Variants in PPFIA2 observed in about 807,000 individuals in gnomAD.
PPFIA2 encodes the protein liprin-alpha-2.
In PPFIA2, 46 loss-of-function variants were observed where a neutral mutation model predicts 175.5. That is an observed-to-expected ratio of 0.26 (90% CI 0.21 to 0.34). PPFIA2 has a LOEUF of 0.34. PPFIA2 is among the 10% of genes least tolerant of loss of function. PPFIA2 has a pLI of 1.00. For missense variants in PPFIA2, 1,179 were observed against 1,506.1 expected, an observed-to-expected ratio of 0.78 and a Z score of 3.60; for synonymous variants, 568 against 511.4, an observed-to-expected ratio of 1.11 and a Z score of -1.49.
chr12:81,489,004 G>A (rs890537589), intron 4 of PPFIA2, among the ~76,000 whole-genome samples: 11 of 151,776 alleles, frequency 7.2e-5, no homozygotes, highest in Admixed American at 5.9e-4. Flanking sequence ...GTCCTATTTC[G>A]ACAAATTAGG....
At chr12:81,671,345 C>T (rs2071378297) in intron 4 of PPFIA2, among the ~76,000 whole-genome samples, 1 of 151,838 alleles carries the variant, frequency 6.6e-6, no homozygotes, top group African/African-American at 2.4e-5. Context: ...TTGTTGTCAC[C>T]TTACAGGCTT....
At chr12:81,523,073 T>C (rs145646273) in intron 4 of PPFIA2, among the ~76,000 whole-genome samples, 2,362 of 152,272 alleles carry the variant, frequency 0.016, 51 homozygotes, top group East Asian at 0.043. Context: ...GCCAGAAACC[T>C]ATGTATGCTA....
intron 4 of PPFIA2, among the ~76,000 whole-genome samples, chr12:81,604,425 GA>G (rs988673152): frequency 3.2e-4 from 47 of 145,766 alleles, no homozygotes; most frequent in Admixed American, 9.6e-4. Context: ...TTCCTGTTTG[GA>G]AAAAAAAAAG....
rs531525283 is a variant in PPFIA2, at chr12:81,381,036, C to T, written c.984+2987G>A. Among the ~76,000 whole-genome samples the T allele has an allele frequency of 7.0e-4, 105 of 149,664 alleles. 2 individuals are homozygous for T. The highest frequency in any genetic ancestry group is 2.6e-3 in the African/African-American group (104 of 40,662). On this transcript the variant is annotated intron_variant, in intron 9 of 32. Transcript: ENST00000549396. ...AAAAAAAAAGTGATGCATGCAGTAA[C>T]GCAGGCTGAGTGTAGGCCATTTCAC... is the stretch of plus-strand genomic sequence containing the variant.
At chr12:81,584,245 A>G (rs1030943414) in intron 4 of PPFIA2, among the ~76,000 whole-genome samples, 1 of 151,920 alleles carries the variant, frequency 6.6e-6, no homozygotes, top group Non-Finnish European at 1.5e-5. Flanking sequence ...CATTAAACAA[A>G]ATTGTGTTAA....
At chr12:81,428,789 C>A (rs556640655) in intron 7 of PPFIA2, among the ~76,000 whole-genome samples, 1 of 152,078 alleles carries the variant, frequency 6.6e-6, no homozygotes, top group South Asian at 2.1e-4. Context: ...ACATTTCCAA[C>A]AGGAATAATA....
intron 4 of PPFIA2, among the ~76,000 whole-genome samples, chr12:81,590,607 T>C (rs1174328054): frequency 2.0e-5 from 3 of 151,980 alleles, no homozygotes; most frequent in Non-Finnish European, 2.9e-5. Flanking sequence ...AGGAACCCGG[T>C]GGGAGGTGAT....
At chr12:81,512,097 T>C (rs2061859272) in intron 4 of PPFIA2, among the ~76,000 whole-genome samples, 1 of 152,142 alleles carries the variant, frequency 6.6e-6, no homozygotes, top group African/African-American at 2.4e-5. Flanking sequence ...AGATGTATTG[T>C]GTGATTTTCT....
chr12:81,747,547 G>A lies in PPFIA2; in HGVS notation c.249+6426C>T. Reference sequence around the variant, plus strand: ...AGATAATGATGACAATATCTACAATGATAATATCAGCAACAATAGCTACAT... The same window carrying A: ...AGATAATGATGACAATATCTACAATAATAATATCAGCAACAATAGCTACAT... On this transcript the variant is annotated intron_variant, in intron 3 of 32. Transcript: ENST00000549396. 1.4e-5 allele frequency among the ~76,000 whole-genome samples: 2 copies of A among 143,944 alleles called. 1 individual carries two copies. 94.4% of individuals were successfully genotyped at this position (143,944 alleles called of 152,430 possible). A position where few individuals can be genotyped will look rare whatever the true frequency, so the allele number is the denominator to read the frequency against.
chr12:81,594,980 T>C (rs1211420830), intron 4 of PPFIA2, among the ~76,000 whole-genome samples: 2 of 151,932 alleles, frequency 1.3e-5, no homozygotes, highest in East Asian at 1.9e-4. Flanking sequence ...CAAACTCCCA[T>C]GAAAGTTTAG....
At chr12:81,516,956 T>C (rs2062522788) in intron 4 of PPFIA2, among the ~76,000 whole-genome samples, 1 of 152,182 alleles carries the variant, frequency 6.6e-6, no homozygotes, top group Admixed American at 6.5e-5. Context: ...AGGCAATTCA[T>C]GAAAGATGTT....
intron 1 of PPFIA2, 159 bp from the exon 2 acceptor site, chr12:81,758,666 A>C (rs1385962876): frequency 3.0e-6 from 1 of 329,784 alleles, no homozygotes; most frequent in Non-Finnish European, 6.1e-6. Context: ...GCATATTACA[A>C]ATTTTGCTTT....
intron 32 of PPFIA2, among the ~76,000 whole-genome samples, chr12:81,261,412 TC>T (rs1030911751): frequency 2.6e-5 from 4 of 152,102 alleles, no homozygotes; most frequent in African/African-American, 9.7e-5. Flanking sequence ...AGATGAGGTT[TC>T]ACCATGTTGG....
chr12:81,439,764 A>G (rs2049817121), intron 7 of PPFIA2: 1 of 506,142 alleles, frequency 2.0e-6, no homozygotes, highest in Non-Finnish European at 3.4e-6. Context: ...GCTTTTGATA[A>G]TTTTCCTTTG....
chr12:81,678,891 C>T (rs1596322998), intron 3 of PPFIA2, among the ~76,000 whole-genome samples: 1 of 151,778 alleles, frequency 6.6e-6, no homozygotes, highest in Non-Finnish European at 1.5e-5. Context: ...AAGGCCCACC[C>T]TCTCCATCCT....
intron 4 of PPFIA2, among the ~76,000 whole-genome samples, chr12:81,532,103 A>G (rs1164419812): frequency 6.6e-6 from 1 of 151,846 alleles, no homozygotes; most frequent in African/African-American, 2.4e-5. Context: ...TGGAAATAAA[A>G]GCAGCCGTGA....
At chr12:81,663,722 C>T (rs903131056) in intron 4 of PPFIA2, among the ~76,000 whole-genome samples, 1 of 152,170 alleles carries the variant, frequency 6.6e-6, no homozygotes, top group Non-Finnish European at 1.5e-5. Flanking sequence ...AAAGAGCCCA[C>T]ATTGCCAAGT....
intron 7 of PPFIA2, among the ~76,000 whole-genome samples, chr12:81,432,545 A>C (rs936123042): frequency 1.1e-4 from 16 of 149,372 alleles, no homozygotes; most frequent in Non-Finnish European, 2.1e-4. Flanking sequence ...GGCCCAATGC[A>C]ACCTCTGCCT....
chr12:81,633,756 A>T (rs192586919), intron 4 of PPFIA2, among the ~76,000 whole-genome samples: 238 of 152,208 alleles, frequency 1.6e-3, no homozygotes, highest in Middle Eastern at 3.4e-3. Flanking sequence ...ATATTAGACA[A>T]GATAGGAGAG....
Sources: gnomAD v4.1 joint callset for allele counts (sites outside exome capture counted in the v4.1 genomes callset) on GRCh38, gnomAD v4.1.1 for gene constraint, MANE v1.5 for transcripts, NCBI Gene and HGNC (gene_info 2026-07-23, HGNC 2026-07-21) for gene names.